Variants in NCK1 observed in about 807,000 individuals in gnomAD.
NCK1 encodes the protein SH2/SH3 adapter protein NCK1.
A neutral mutation model predicts 36.6 loss-of-function variants in NCK1; 19 were observed. The ratio of observed to expected loss-of-function variants is 0.52; its 90% CI spans 0.36 to 0.76. The LOEUF (loss-of-function observed/expected upper bound fraction) is 0.76. NCK1 is among the 30% of genes least tolerant of loss of function. The pLI, the probability that NCK1 is intolerant of heterozygous loss-of-function variation, is 0.00. For missense variants in NCK1, 358 were observed against 445.6 expected, an observed-to-expected ratio of 0.80 and a Z score of 1.77; for synonymous variants, 165 against 156.0, an observed-to-expected ratio of 1.06 and a Z score of -0.43.
intron 2 of NCK1, among the ~76,000 whole-genome samples, chr3:136,932,226 A>T (rs1457536043): frequency 1.3e-5 from 2 of 152,004 alleles, no homozygotes; most frequent in Admixed American, 1.3e-4. Context: ...TAGGAAGTTG[A>T]TAGTTAATGC....
chr3:136,866,396 C>T (rs1938412634), intron 1 of NCK1, among the ~76,000 whole-genome samples: 1 of 151,826 alleles, frequency 6.6e-6, no homozygotes, highest in Non-Finnish European at 1.5e-5. Flanking sequence ...TAACCTCTGC[C>T]TCCCGGGTTC....
chr3:136,893,331 G>T (rs1445232493), intron 1 of NCK1, among the ~76,000 whole-genome samples: 4 of 126,836 alleles, frequency 3.2e-5, no homozygotes, highest in African/African-American at 8.6e-5. Context: ...TTGATTTTTT[G>T]ATTGTGGCCA....
intron 2 of NCK1, among the ~76,000 whole-genome samples, chr3:136,928,888 A>T (rs973947655): frequency 6.0e-5 from 9 of 151,208 alleles, no homozygotes; most frequent in Admixed American, 2.0e-4. Context: ...AAAAAAAATT[A>T]AACTCTCCTT....
chr3:136,902,902 C>A (rs1473840170), intron 1 of NCK1, among the ~76,000 whole-genome samples: 1 of 152,208 alleles, frequency 6.6e-6, no homozygotes, highest in Non-Finnish European at 1.5e-5. Context: ...ATGCATCCAC[C>A]TGTGAAGTAG....
chr3:136,897,807 T>A, intron 1 of NCK1, among the ~76,000 whole-genome samples: 1 of 152,204 alleles, frequency 6.6e-6, no homozygotes, highest in East Asian at 1.9e-4. Context: ...ATGGTTAATA[T>A]GATTTGAAAA....
rs1439842870 is a variant in NCK1 at position 136,949,951 on chromosome 3, A to G, written c.*1498A>G. 5 of 152,064 alleles carry G rather than the reference A, an allele frequency of 3.3e-5. No homozygotes were observed. Among genetic ancestry groups the G allele is most frequent in the African/African-American group, 1.2e-4 (5 of 41,436 alleles). 9.4% of individuals were successfully genotyped at this position (152,064 alleles called of 1,614,324 possible). ...TCCCACTAAGCAACAGAAGTGACCAAATATAATTAAGACAAATTTTCATCT... is the reference window on the plus strand; with the variant it reads ...TCCCACTAAGCAACAGAAGTGACCAGATATAATTAAGACAAATTTTCATCT... On this transcript the variant is annotated 3_prime_UTR_variant, in exon 4 of 4. Transcript: ENST00000481752.
At chr3:136,883,465 TCTAA>T (rs1196357339) in intron 1 of NCK1, among the ~76,000 whole-genome samples, 1 of 152,196 alleles carries the variant, frequency 6.6e-6, no homozygotes, top group African/African-American at 2.4e-5. Context: ...TTTTTTTTTC[TCTAA>T]CTAAAAGCTG....
intron 1 of NCK1, among the ~76,000 whole-genome samples, chr3:136,862,872 A>G (rs1409022517): frequency 2.2e-5 from 1 of 44,970 alleles, no homozygotes; most frequent in Non-Finnish European, 4.5e-5. Flanking sequence ...CCCCCCACCC[A>G]CCGGCCGTTT....
intron 1 of NCK1, among the ~76,000 whole-genome samples, chr3:136,882,519 T>C (rs1938969321): frequency 6.6e-6 from 1 of 151,684 alleles, no homozygotes; most frequent in African/African-American, 2.4e-5. Flanking sequence ...CATAATACAA[T>C]GAAAGTTTAC....
intron 2 of NCK1, among the ~76,000 whole-genome samples, chr3:136,929,384 A>G (rs1159953245): frequency 6.6e-6 from 1 of 152,246 alleles, no homozygotes; most frequent in Non-Finnish European, 1.5e-5. Flanking sequence ...GTGGATTATC[A>G]GTTTCTGAGA....
At chr3:136,905,537 G>A (rs1027087685) in intron 1 of NCK1, among the ~76,000 whole-genome samples, 1 of 151,940 alleles carries the variant, frequency 6.6e-6, no homozygotes, top group African/African-American at 2.4e-5. Context: ...ACAGACAAGG[G>A]TCACAGTGTC....
intron 1 of NCK1, among the ~76,000 whole-genome samples, chr3:136,910,913 C>T (rs1442666784): frequency 6.6e-6 from 1 of 152,184 alleles, no homozygotes; most frequent in African/African-American, 2.4e-5. Context: ...CTTTGACCAA[C>T]ACCTTCCCAT....
chr3:136,892,951 A>G (rs1221892866), intron 1 of NCK1, among the ~76,000 whole-genome samples: 1 of 151,698 alleles, frequency 6.6e-6, no homozygotes. Context: ...GTAGTCTTTT[A>G]TCCCTCACGC....
At chr3:136,914,197 T>TTA (rs1356594299) in intron 1 of NCK1, among the ~76,000 whole-genome samples, 2 of 152,178 alleles carry the variant, frequency 1.3e-5, no homozygotes, top group African/African-American at 2.4e-5. Context: ...GAAAGCGCAA[T>TTA]TAGCTGTCAG....
intron 1 of NCK1, among the ~76,000 whole-genome samples, chr3:136,867,066 TTC>T (rs1275689422): frequency 0.04 from 13 of 326 alleles, no homozygotes; most frequent in South Asian, 0.29. Flanking sequence ...CTTTCTTTCT[TTC>T]TTTCTTTCTT....
At chr3:136,869,171 C>G (rs968051161) in intron 1 of NCK1, among the ~76,000 whole-genome samples, 1 of 151,480 alleles carries the variant, frequency 6.6e-6, no homozygotes, top group Non-Finnish European at 1.5e-5. Context: ...ACCCCAGAGG[C>G]AGAGGTTACA....
intron 2 of NCK1, among the ~76,000 whole-genome samples, chr3:136,940,938 C>T (rs1307033233): frequency 6.6e-6 from 1 of 152,120 alleles, no homozygotes; most frequent in Non-Finnish European, 1.5e-5. Context: ...AACCTATTTG[C>T]ATCTTTGTTT....
At chr3:136,883,987 T>C (rs939367421) in intron 1 of NCK1, among the ~76,000 whole-genome samples, 10 of 152,242 alleles carry the variant, frequency 6.6e-5, no homozygotes, top group African/African-American at 2.4e-4. Flanking sequence ...TGGAGATTGA[T>C]GCATATTCAA....
chr3:136,943,190 G>T (rs747092057), intron 2 of NCK1, among the ~76,000 whole-genome samples: 42 of 151,906 alleles, frequency 2.8e-4, no homozygotes, highest in Admixed American at 1.2e-3. Context: ...GAGTCTGACA[G>T]TATTTACCAG....
Sources: allele counts gnomAD v4.1 joint callset (sites outside exome capture counted in the v4.1 genomes callset), GRCh38; gene constraint gnomAD v4.1.1; transcripts MANE v1.5; gene names NCBI Gene and HGNC (gene_info 2026-07-23, HGNC 2026-07-21).